Variants in GALNT13 observed in about 807,000 individuals in gnomAD.
GALNT13 encodes the protein UDP-GalNAc:polypeptide N-acetylgalactosaminyltransferase 13.
A neutral mutation model predicts 64.2 loss-of-function variants in GALNT13; 28 were observed. The observed-to-expected ratio is 0.44, with a 90% CI of 0.32 to 0.60. GALNT13 has a LOEUF of 0.60. Among genes scored for constraint, GALNT13 ranks in the 20% least tolerant of loss-of-function variants. The pLI is 0.05. For synonymous variants in GALNT13, 214 were observed against 224.6 expected (o/e 0.95, Z 0.42); for missense variants, 577 against 669.8 (o/e 0.86, Z 1.53).
At chr2:153,564,027 T>G in the GALNT13 span, among the ~76,000 whole-genome samples, 35 of 152,238 alleles carry the variant, frequency 2.3e-4, no homozygotes, top group East Asian at 4.4e-3. Flanking sequence ...GGTTTCTGGA[T>G]TTTTGATAGT....
At chr2:153,357,840 A>T in the GALNT13 span, among the ~76,000 whole-genome samples, 1 of 152,212 alleles carries the variant, frequency 6.6e-6, no homozygotes, top group Non-Finnish European at 1.5e-5. Flanking sequence ...TGTTTTTTGT[A>T]GTAATTTTAA....
chr2:153,274,695 C>T, the GALNT13 span, among the ~76,000 whole-genome samples: 11 of 152,202 alleles, frequency 7.2e-5, no homozygotes, highest in African/African-American at 2.7e-4. Context: ...TCCTGGTCTT[C>T]TATGTGGAAA....
the GALNT13 span, among the ~76,000 whole-genome samples, chr2:153,677,853 G>C: frequency 1.3e-5 from 2 of 151,904 alleles, no homozygotes; most frequent in Non-Finnish European, 1.5e-5. Context: ...AACTGGACCC[G>C]TTCCTTTTGC....
chr2:153,830,177 A>C, the GALNT13 span, among the ~76,000 whole-genome samples: 1 of 142,552 alleles, frequency 7.0e-6, no homozygotes, highest in Non-Finnish European at 1.6e-5. Context: ...AAAGTTTCCA[A>C]GTTTGTCAGA....
intron 9 of GALNT13, among the ~76,000 whole-genome samples, chr2:154,357,263 G>A (rs1305226797): frequency 6.6e-6 from 1 of 151,994 alleles, no homozygotes; most frequent in Non-Finnish European, 1.5e-5. Flanking sequence ...ACTCTTGGAT[G>A]ACTTATTTGG....
At chr2:153,872,626 G>C (rs76758829) in intron 1 of GALNT13, among the ~76,000 whole-genome samples, 3 of 131,414 alleles carry the variant, frequency 2.3e-5, no homozygotes, top group African/African-American at 5.7e-5. Flanking sequence ...TGGCGGGGGG[G>C]GGGGGGGGAG....
At chr2:153,550,316 C>A in the GALNT13 span, among the ~76,000 whole-genome samples, 2 of 151,642 alleles carry the variant, frequency 1.3e-5, no homozygotes, top group Non-Finnish European at 2.9e-5. Context: ...CTCACTGCAA[C>A]CTCTGCCTCC....
intron 4 of GALNT13, among the ~76,000 whole-genome samples, chr2:154,161,482 C>T (rs1207444023): frequency 1.3e-5 from 2 of 151,928 alleles, no homozygotes; most frequent in African/African-American, 2.4e-5. Context: ...GGAATGATTA[C>T]GTGGGTGGCT....
chr2:153,152,352 T>A, the GALNT13 span, among the ~76,000 whole-genome samples: 2 of 152,014 alleles, frequency 1.3e-5, no homozygotes, highest in Admixed American at 1.3e-4. Context: ...ACTCAACTGA[T>A]AATATCAGGG....
the GALNT13 span, among the ~76,000 whole-genome samples, chr2:153,413,727 A>G: frequency 8.5e-5 from 13 of 152,302 alleles, no homozygotes; most frequent in Non-Finnish European, 1.6e-4. Flanking sequence ...AGACAAGTAC[A>G]TTAAGACAAA....
chr2:154,107,978 C>CCA (rs1357667417), intron 3 of GALNT13, among the ~76,000 whole-genome samples: 9 of 151,948 alleles, frequency 5.9e-5, no homozygotes, highest in Non-Finnish European at 1.2e-4. Context: ...GGTATATATA[C>CCA]CACATTTCTT....
chr2:154,435,272 T>A (rs1700905478), intron 11 of GALNT13, among the ~76,000 whole-genome samples: 1 of 152,122 alleles, frequency 6.6e-6, no homozygotes, highest in Non-Finnish European at 1.5e-5. Context: ...AATGAATCAA[T>A]CTTGTATCGT....
the GALNT13 span, among the ~76,000 whole-genome samples, chr2:153,710,602 T>C: frequency 6.6e-6 from 1 of 152,058 alleles, no homozygotes; most frequent in Admixed American, 6.6e-5. Flanking sequence ...AAGGAATGTA[T>C]ATTTTGATTT....
At chr2:154,357,232 G>T (rs1483364035) in intron 9 of GALNT13, among the ~76,000 whole-genome samples, 2 of 151,980 alleles carry the variant, frequency 1.3e-5, no homozygotes, top group East Asian at 3.9e-4. Flanking sequence ...CTTTCTAGGA[G>T]AGTCAAAAAT....
chr2:153,501,047 C>A, the GALNT13 span, among the ~76,000 whole-genome samples: 1 of 149,392 alleles, frequency 6.7e-6, no homozygotes, highest in South Asian at 2.2e-4. Flanking sequence ...CCCTCTGTAG[C>A]ATCCCAAAGT....
At chr2:154,110,550 A>G (rs942758622) in intron 3 of GALNT13, among the ~76,000 whole-genome samples, 1 of 151,618 alleles carries the variant, frequency 6.6e-6, no homozygotes, top group African/African-American at 2.4e-5. Flanking sequence ...GAAAGCATCG[A>G]GCACAGGAGA....
chr2:154,038,011 G>C (rs938301779), intron 3 of GALNT13, among the ~76,000 whole-genome samples: 1 of 152,050 alleles, frequency 6.6e-6, no homozygotes, highest in African/African-American at 2.4e-5. Flanking sequence ...AGTCAGGCCT[G>C]GTGTCATGCA....
At chr2:153,824,139 G>A in the GALNT13 span, among the ~76,000 whole-genome samples, 1 of 151,940 alleles carries the variant, frequency 6.6e-6, no homozygotes, top group African/African-American at 2.4e-5. Flanking sequence ...AGCCTGCAGA[G>A]GAAAGGGAAG....
the GALNT13 span, among the ~76,000 whole-genome samples, chr2:153,822,961 A>G: frequency 2.2e-4 from 34 of 152,204 alleles, no homozygotes; most frequent in African/African-American, 8.2e-4. Context: ...AAATAGTAGT[A>G]TTTATATAGA....
Sources: gnomAD v4.1 joint callset for allele counts (sites outside exome capture counted in the v4.1 genomes callset) on GRCh38, gnomAD v4.1.1 for gene constraint, MANE v1.5 for transcripts, NCBI Gene and HGNC (gene_info 2026-07-23, HGNC 2026-07-21) for gene names.